GUCD1: variants seen among roughly 807,000 people sequenced by gnomAD.
The protein encoded by GUCD1 is guanylyl cyclase domain containing 1, also known as protein GUCD1.
Under a neutral mutation model 28.3 loss-of-function variants are expected in GUCD1, and 17 were observed. That is an observed-to-expected ratio of 0.60 (90% CI 0.41 to 0.90). The LOEUF (loss-of-function observed/expected upper bound fraction) is 0.90, where lower values mean the gene tolerates loss of function less well. GUCD1 is among the 40% of genes least tolerant of loss of function. GUCD1 has a pLI of 0.00. For synonymous variants in GUCD1, 129 were observed against 123.3 expected (o/e 1.05, Z -0.30); for missense variants, 279 against 305.5 (o/e 0.91, Z 0.65).
intron 4 of GUCD1, among the ~76,000 whole-genome samples, chr22:24,546,144 G>A (rs1317626722): frequency 6.6e-6 from 1 of 151,040 alleles, no homozygotes; most frequent in Non-Finnish European, 1.5e-5. Context: ...TGTATTTTTA[G>A]TAGAGACAAG....
intron 1 of GUCD1, among the ~76,000 whole-genome samples, chr22:24,552,079 C>T (rs1305815854): frequency 6.6e-6 from 1 of 152,168 alleles, no homozygotes; most frequent in Non-Finnish European, 1.5e-5. Context: ...TGTGAGGACA[C>T]GTAGGTGGCA....
At position 24,541,470 on chromosome 22, in the gene GUCD1, A is replaced by G. The variant is rs908219326; in HGVS notation, c.*1536T>C. 1 of 152,228 alleles carries G rather than the reference A, an allele frequency of 6.6e-6. No individual in the cohort carries two copies. Among genetic ancestry groups the G allele is most frequent in the Non-Finnish European group, 1.5e-5 (1 of 68,050 alleles). The allele number at this position is 152,228 out of a possible 1,614,324, so 9.4% of individuals were successfully genotyped here. On this transcript the variant is annotated 3_prime_UTR_variant, in exon 6 of 6. Coordinates refer to ENST00000435822, the MANE Select transcript of GUCD1 (RefSeq NM_001284254.2). ...TGGCGAAGCCTGGTCTCTACTAAAA[A>G]TACAAAAAAATTAGCCGGGCATGGT...
At position 24,543,863 on chromosome 22, in the gene GUCD1, T is replaced by C; in HGVS notation, c.607A>G (p.Asn203Asp). 1 of 1,613,944 alleles carries C rather than the reference T, an allele frequency of 6.2e-7. No individual in the cohort carries two copies. Among genetic ancestry groups the C allele is most frequent in the Non-Finnish European group, 8.5e-7 (1 of 1,179,960 alleles). ...YNRATGCIFY[N>D]NPAYADRMCS... ...TCACGGTCGGCATAGGCTGGGTTGT[T>C]GTAGAAGATGCAGCCAGTGGCCCGG... Residue 203 changes from asparagine to aspartate, a missense_variant, in exon 5 of 6, where the codon AAC becomes GAC. Coordinates refer to ENST00000435822, the MANE Select transcript of GUCD1 (RefSeq NM_001284254.2).
At position 24,544,031 on chromosome 22, in the gene GUCD1, T is replaced by C; in HGVS notation, c.439A>G (p.Ile147Val). ...AGCACCCCCGAGTTCACCAGCACGA[T>C]GGCCACATGGCCCTGAGCCAGGTGC... The part of the protein sequence containing the change: ...QAHLAQGHVA[I>V]VLVNSGVLHC... The change falls in exon 5 of 6, where the codon ATC (isoleucine) becomes GTC (valine). Residue 147 changes from isoleucine to valine, a missense_variant. Coordinates refer to ENST00000435822, the MANE Select transcript of GUCD1 (RefSeq NM_001284254.2). The C allele has an allele frequency of 1.9e-6, 3 of 1,612,946 alleles. No homozygotes were observed. The highest frequency in any genetic ancestry group is 2.5e-6 in the Non-Finnish European group (3 of 1,179,196).
At chr22:24,544,798 G>C (rs1271636286) in intron 4 of GUCD1, among the ~76,000 whole-genome samples, 1 of 152,138 alleles carries the variant, frequency 6.6e-6, no homozygotes, top group African/African-American at 2.4e-5. Flanking sequence ...GATCGCTTGA[G>C]ACTAGGAATT....
At chr22:24,555,725 GT>G, upstream of GUCD1, 19 of 1,550,656 alleles carry the variant, frequency 1.2e-5, no homozygotes, top group Non-Finnish European at 1.7e-5. Flanking sequence ...CCGCCTTGCC[GT>G]CCAGCCTGTC....
At position 24,543,007 on chromosome 22, in the gene GUCD1, C is replaced by G; in HGVS notation, c.719G>C (p.Ter240SerextTer84). Reference sequence around the variant, plus strand: ...CCTAGGCGCACCAGGCTCCTGCTGTCAGCTGTCCAAGTAGACAAAGAGGAT... The same window carrying G: ...CCTAGGCGCACCAGGCTCCTGCTGTGAGCTGTCCAAGTAGACAAAGAGGAT... Reference protein sequence around the residue: ...EDILFVYLDS* With the variant: ...EDILFVYLDSS The change falls in exon 6 of 6, where the codon TGA (stop) becomes TCA (serine). Residue 240 changes from the stop codon to serine (S), a stop_lost. Coordinates refer to ENST00000435822, the MANE Select transcript of GUCD1 (RefSeq NM_001284254.2). The G allele has an allele frequency of 6.2e-7, 1 of 1,611,302 alleles. No homozygotes were observed. The highest frequency in any genetic ancestry group is 8.5e-7 in the Non-Finnish European group (1 of 1,177,526).
chr22:24,547,295 C>CATACA (rs1202330318), intron 3 of GUCD1: 1 of 397,464 alleles, frequency 2.5e-6, no homozygotes, highest in Non-Finnish European at 4.7e-6. Flanking sequence ...TGGGCTTGTA[C>CATACA]ACTCTGGCAG....
At chr22:24,555,777 C>G, upstream of GUCD1, 1 of 1,550,186 alleles carries the variant, frequency 6.5e-7, no homozygotes, top group Non-Finnish European at 8.7e-7. Flanking sequence ...CCCTCTCTGG[C>G]TCTTTGCCGG....
chr22:24,547,732 G>A, intron 3 of GUCD1, 176 bp downstream of exon 3: 1 of 642,354 alleles, frequency 1.6e-6, no homozygotes. Flanking sequence ...CACCTGCTCT[G>A]ACTGGCTCCC....
intron 1 of GUCD1, among the ~76,000 whole-genome samples, chr22:24,553,217 T>C (rs1381430683): frequency 6.6e-6 from 1 of 152,210 alleles, no homozygotes; most frequent in Non-Finnish European, 1.5e-5. Flanking sequence ...CATCCCTTAG[T>C]CTAGGAGTGT....
At chr22:24,545,013 C>T (rs998943640) in intron 4 of GUCD1, among the ~76,000 whole-genome samples, 36 of 150,658 alleles carry the variant, frequency 2.4e-4, no homozygotes, top group African/African-American at 8.3e-4. Flanking sequence ...CAGATTAAGA[C>T]CCTGTCTCTT....
intron 5 of GUCD1, among the ~76,000 whole-genome samples, chr22:24,543,522 C>T (rs1259205476): frequency 3.3e-5 from 5 of 152,058 alleles, no homozygotes; most frequent in Admixed American, 3.3e-4. Flanking sequence ...TGCCGGCCAT[C>T]CTGGTGGTTG....
upstream of GUCD1, chr22:24,555,381 A>C (rs936043601): frequency 6.2e-6 from 8 of 1,296,648 alleles, no homozygotes; most frequent in African/African-American, 1.5e-5. Flanking sequence ...CCCCGCCCCA[A>C]AGCTCGTGCA....
chr22:24,552,135 G>GC (rs1271328247), intron 1 of GUCD1, among the ~76,000 whole-genome samples: 2 of 152,126 alleles, frequency 1.3e-5, no homozygotes, highest in African/African-American at 4.8e-5. Flanking sequence ...ACCTGCCAGC[G>GC]CCTTGATCTT....
chr22:24,542,618 TG>T lies in GUCD1; in HGVS notation c.*387del, dbSNP rs1211471437. The T allele has an allele frequency of 1.2e-5, 3 of 257,754 alleles. No homozygotes were observed. Among genetic ancestry groups the T allele is most frequent in the Non-Finnish European group, 2.4e-5 (3 of 127,330 alleles). The allele number at this position is 257,754 out of a possible 1,614,324, so 16.0% of individuals were successfully genotyped here. ...GTCTCCAGACACTCACATACTGTCC[TG>T]ACAAGTGGCATCCGTCAAGCAACTT... On this transcript the variant is annotated 3_prime_UTR_variant, in exon 6 of 6. Transcript: ENST00000435822.
chr22:24,549,042 A>G (rs776539648), intron 1 of GUCD1, 41 bp from the exon 2 acceptor site: 45 of 1,409,202 alleles, frequency 3.2e-5, no homozygotes, highest in Non-Finnish European at 4.3e-5. Flanking sequence ...CTCAGCGCAG[A>G]GCCCACCACT....
chr22:24,552,081 T>A (rs1325111054), intron 1 of GUCD1, among the ~76,000 whole-genome samples: 1 of 152,164 alleles, frequency 6.6e-6, no homozygotes, highest in African/African-American at 2.4e-5. Flanking sequence ...TGAGGACACG[T>A]AGGTGGCACC....
chr22:24,547,925 T>C lies in GUCD1; in HGVS notation c.277A>G (p.Lys93Glu). Residue 93 changes from lysine to glutamate, a missense_variant, in exon 3 of 6, where the codon AAG becomes GAG. Lys to Glu is a moderately conservative substitution (Grantham distance 56, BLOSUM62 1). Transcript: ENST00000435822. ...RFCTQTLGVD[K>E]GYKNQSFYRK... ...TCGCTCACCTGGTTCTTGTAGCCCT[T>C]GTCGACACCCAGGGTCTGGGTACAG... 3 of 1,614,144 alleles carry C rather than the reference T, an allele frequency of 1.9e-6. No individual in the cohort carries two copies. The highest frequency in any genetic ancestry group is 2.5e-6 in the Non-Finnish European group (3 of 1,180,004).
Sources: allele counts gnomAD v4.1 joint callset (sites outside exome capture counted in the v4.1 genomes callset), GRCh38; gene constraint gnomAD v4.1.1; transcripts MANE v1.5; gene names NCBI Gene and HGNC (gene_info 2026-07-23, HGNC 2026-07-21).